The following EEIG1 variants were observed in gnomAD, a reference collection of about 807,000 sequenced individuals.
EEIG1 encodes the protein early estrogen-induced gene 1 protein.
chr9:127,946,528 G>C, the EEIG1 span, among the ~76,000 whole-genome samples: 8 of 152,346 alleles, frequency 5.3e-5, no homozygotes, highest in East Asian at 9.7e-4. Flanking sequence ...CTCTGCATAT[G>C]GGGGGAGGCC....
At chr9:127,945,514 T>C in the EEIG1 span, 2 of 1,569,328 alleles carry the variant, frequency 1.3e-6, no homozygotes, top group Non-Finnish European at 1.7e-6. The surrounding 1 kb of genome is among the most constrained non-coding windows in gnomAD (Gnocchi z 6.5). Flanking sequence ...GTTGCGGCGG[T>C]GCGTCAGGTC....
the EEIG1 span, chr9:127,953,787 A>T: frequency 1.9e-6 from 3 of 1,613,972 alleles, no homozygotes; most frequent in African/African-American, 4.0e-5. Context: ...GCAGCCCCAC[A>T]TGCGCCCTTG....
the EEIG1 span, chr9:127,950,801 G>T: frequency 1.1e-6 from 1 of 880,124 alleles, no homozygotes; most frequent in Non-Finnish European, 1.5e-6. Flanking sequence ...CGTGCACCGG[G>T]GCCAGTGCGC....
At chr9:127,945,596 G>T in the EEIG1 span, 1 of 1,562,972 alleles carries the variant, frequency 6.4e-7, no homozygotes, top group Non-Finnish European at 8.7e-7. The surrounding 1 kb of genome is among the most constrained non-coding windows in gnomAD (Gnocchi z 6.5). Context: ...CATCACAATG[G>T]GGGATCCCGA....
chr9:127,945,424 G>A, the EEIG1 span: 1 of 1,572,514 alleles, frequency 6.4e-7, no homozygotes, highest in Non-Finnish European at 8.6e-7. The surrounding 1 kb of genome is among the most constrained non-coding windows in gnomAD (Gnocchi z 6.5). Flanking sequence ...CTTCTCCGGG[G>A]GCCGGTGCTC....
At chr9:127,952,903 G>GA in the EEIG1 span, among the ~76,000 whole-genome samples, 2 of 152,184 alleles carry the variant, frequency 1.3e-5, no homozygotes, top group Non-Finnish European at 2.9e-5. Context: ...CTGTAGTAGA[G>GA]ACGGGGTTTT....
the EEIG1 span, among the ~76,000 whole-genome samples, chr9:127,973,820 C>T: frequency 3.9e-5 from 6 of 152,234 alleles, no homozygotes; most frequent in East Asian, 1.9e-4. This position sits in a 1 kb window ranked among gnomAD's most constrained non-coding sequence, Gnocchi z 4.2. Flanking sequence ...AGGCCTTCTA[C>T]GGCACCCAGG....
chr9:127,944,743 G>C, the EEIG1 span: 53 of 1,611,672 alleles, frequency 3.3e-5, no homozygotes, highest in African/African-American at 6.1e-4. Context: ...CTTGGAGCAG[G>C]TGGCCTCGCC....
At chr9:127,953,297 A>G in the EEIG1 span, 1 of 511,058 alleles carries the variant, frequency 2.0e-6, no homozygotes, top group Non-Finnish European at 3.4e-6. Flanking sequence ...AATCTATCCA[A>G]TAATGGGGTC....
the EEIG1 span, among the ~76,000 whole-genome samples, chr9:127,979,783 A>C: frequency 6.6e-6 from 1 of 152,230 alleles, no homozygotes; most frequent in African/African-American, 2.4e-5. Flanking sequence ...GAAGGCTGAA[A>C]GACTAGACCC....
At chr9:127,945,710 C>T in the EEIG1 span, 4 of 1,589,122 alleles carry the variant, frequency 2.5e-6, no homozygotes, top group South Asian at 3.4e-5. This position sits in a 1 kb window ranked among gnomAD's most constrained non-coding sequence, Gnocchi z 6.5. Flanking sequence ...AGTGGAACAC[C>T]TCCTCAGGGC....
the EEIG1 span, among the ~76,000 whole-genome samples, chr9:127,971,978 C>T: frequency 2.0e-5 from 3 of 152,248 alleles, no homozygotes; most frequent in African/African-American, 4.8e-5. Context: ...CCGGGAGTGG[C>T]GGGGCCTCCC....
chr9:127,942,385 C>T, the EEIG1 span: 1 of 152,518 alleles, frequency 6.6e-6, no homozygotes, highest in Non-Finnish European at 1.5e-5. Context: ...CACCCGTTCC[C>T]GCCGGGCTGC....
chr9:127,947,855 C>T, the EEIG1 span, among the ~76,000 whole-genome samples: 1 of 152,146 alleles, frequency 6.6e-6, no homozygotes, highest in Non-Finnish European at 1.5e-5. Context: ...GAGGCCACAT[C>T]AGTCTCAGTC....
At chr9:127,959,249 A>G in the EEIG1 span, among the ~76,000 whole-genome samples, 3 of 152,338 alleles carry the variant, frequency 2.0e-5, no homozygotes, top group East Asian at 1.9e-4. Flanking sequence ...AGCAACCCAA[A>G]TGTCCATCAA....
At chr9:127,944,229 T>G in the EEIG1 span, 2 of 294,666 alleles carry the variant, frequency 6.8e-6, no homozygotes, top group Non-Finnish European at 1.3e-5. Flanking sequence ...GAAAGATTTG[T>G]TCAGTAAACC....
chr9:127,953,941 G>A, the EEIG1 span: 20 of 1,613,062 alleles, frequency 1.2e-5, no homozygotes, highest in Admixed American at 5.0e-5. Context: ...GGCCAGAGGC[G>A]ACAGGTGAGC....
At chr9:127,980,371 G>A in the EEIG1 span, 4 of 472,774 alleles carry the variant, frequency 8.5e-6, no homozygotes, top group Non-Finnish European at 3.8e-6. Context: ...GGTTCGGAGC[G>A]GCCGGGGACC....
At chr9:127,955,603 G>A in the EEIG1 span, among the ~76,000 whole-genome samples, 1 of 152,246 alleles carries the variant, frequency 6.6e-6, no homozygotes, top group Non-Finnish European at 1.5e-5. Context: ...TTGTCACCAG[G>A]AGAGGGCGGG....
Sources: allele counts gnomAD v4.1 joint callset (sites outside exome capture counted in the v4.1 genomes callset), GRCh38; gene constraint gnomAD v4.1.1; non-coding constraint Gnocchi (gnomAD v3.1); transcripts MANE v1.5; gene names NCBI Gene and HGNC (gene_info 2026-07-23, HGNC 2026-07-21).